EVA1C: variants seen among roughly 807,000 people sequenced by gnomAD.
The protein encoded by EVA1C is eva-1 homolog C, also known as protein eva-1 homolog C.
In EVA1C, 25 loss-of-function variants were observed where a neutral mutation model predicts 45.4. That is an observed-to-expected ratio of 0.55 (90% CI 0.40 to 0.77). EVA1C has a LOEUF of 0.77. Among genes scored for constraint, EVA1C ranks in the 30% least tolerant of loss-of-function variants. The pLI is 0.00. For synonymous variants in EVA1C, 190 were observed against 221.2 expected (o/e 0.86, Z 1.25); for missense variants, 479 against 554.8 (o/e 0.86, Z 1.37).
chr21:32,479,689 T>C (rs1391918655), intron 4 of EVA1C, among the ~76,000 whole-genome samples: 1 of 151,312 alleles, frequency 6.6e-6, no homozygotes, highest in East Asian at 2.0e-4. Flanking sequence ...AGTGGTTCTT[T>C]CCTGTGATCC....
Position 32,467,716 on chromosome 21 carries a change from G to A in EVA1C, c.502G>A (p.Val168Met), listed in dbSNP as rs778051405. ...TTCAGATGAATTAAAAAACAAAACCGTGTGTGAAGACCAGGAGCTGAAACT... is the reference window on the plus strand; with the variant it reads ...TTCAGATGAATTAAAAAACAAAACCATGTGTGAAGACCAGGAGCTGAAACT... ...CQPNELKNKTVCEDQELKLHC... is the reference protein window; with the variant it reads ...CQPNELKNKTMCEDQELKLHC... The change falls in exon 4 of 8, where the codon GTG (valine) becomes ATG (methionine). Residue 168 changes from valine to methionine, a missense_variant. By Grantham distance (21) the Val-to-Met change is conservative. This residue lies in a region of EVA1C where 366 missense variants were observed against 426.1 expected (regional missense o/e 0.86). Transcript: ENST00000300255. 5 of 1,606,844 alleles carry A rather than the reference G, an allele frequency of 3.1e-6. No homozygotes were observed. Among genetic ancestry groups the A allele is most frequent in the Non-Finnish European group, 3.4e-6 (4 of 1,177,412 alleles).
chr21:32,438,396 C>G (rs1209450963), intron 1 of EVA1C, among the ~76,000 whole-genome samples: 1 of 144,118 alleles, frequency 6.9e-6, no homozygotes, highest in Non-Finnish European at 1.5e-5. Flanking sequence ...ACTCGGGAGG[C>G]TGAGGCAGGA....
chr21:32,467,033 T>G (rs2036200359), intron 3 of EVA1C, among the ~76,000 whole-genome samples: 1 of 152,016 alleles, frequency 6.6e-6, no homozygotes, highest in Non-Finnish European at 1.5e-5. Context: ...CCCAGGTACT[T>G]GAGAAACTGA....
rs767814759 is a variant in EVA1C at position 32,467,821 on chromosome 21, T to C, written c.607T>C (p.Ser203Pro). Reference protein sequence around the residue: ...RRTQERDICSSKAERLPPFDC... With the variant: ...RRTQERDICSPKAERLPPFDC... Reference sequence around the variant, plus strand: ...GACCCAGGAAAGGGACATCTGCTCCTCCAAGGCAGAGCGGCTCCCCCCTTT... The same window carrying C: ...GACCCAGGAAAGGGACATCTGCTCCCCCAAGGCAGAGCGGCTCCCCCCTTT... The change falls in exon 4 of 8, where the codon TCC (serine) becomes CCC (proline). Residue 203 changes from serine to proline, a missense_variant. Around this residue, in one of 3 missense-constraint regions of EVA1C, gnomAD observed 366 missense variants for 426.1 expected, o/e 0.86. Coordinates refer to ENST00000300255, the MANE Select transcript of EVA1C (RefSeq NM_058187.5). The C allele has an allele frequency of 6.2e-6, 10 of 1,611,862 alleles. No individual in the cohort carries two copies. Among genetic ancestry groups the C allele is most frequent in the Non-Finnish European group, 8.5e-6 (10 of 1,179,140 alleles).
intron 1 of EVA1C, among the ~76,000 whole-genome samples, chr21:32,420,268 G>GCC (rs1470389842): frequency 3.3e-5 from 5 of 152,218 alleles, no homozygotes; most frequent in Non-Finnish European, 5.9e-5. Flanking sequence ...CACTCGGGAG[G>GCC]CTGAGGCAGG....
chr21:32,497,883 A>G (rs1294245889), intron 5 of EVA1C, among the ~76,000 whole-genome samples: 2 of 152,108 alleles, frequency 1.3e-5, no homozygotes, highest in African/African-American at 2.4e-5. Context: ...CCCTTTCACT[A>G]TCAAGACAAC....
intron 4 of EVA1C, among the ~76,000 whole-genome samples, chr21:32,475,784 C>A (rs1489221996): frequency 6.6e-6 from 1 of 152,114 alleles, no homozygotes; most frequent in Non-Finnish European, 1.5e-5. Flanking sequence ...CGGCTGACTT[C>A]CAGCTGACTT....
At chr21:32,417,113 T>C (rs761517653) in intron 1 of EVA1C, among the ~76,000 whole-genome samples, 1 of 152,218 alleles carries the variant, frequency 6.6e-6, no homozygotes, top group Non-Finnish European at 1.5e-5. Flanking sequence ...ATTACAGGTG[T>C]GCACCACCCC....
At chr21:32,460,600 G>A (rs1357521451) in intron 3 of EVA1C, among the ~76,000 whole-genome samples, 1 of 152,146 alleles carries the variant, frequency 6.6e-6, no homozygotes, top group African/African-American at 2.4e-5. Flanking sequence ...CAGCATTGGG[G>A]AGACACAGGT....
intron 4 of EVA1C, among the ~76,000 whole-genome samples, chr21:32,485,722 T>G (rs2036951607): frequency 6.6e-6 from 1 of 152,218 alleles, no homozygotes; most frequent in Admixed American, 6.5e-5. Flanking sequence ...ACATTATGTT[T>G]AAGGGCACAG....
chr21:32,467,543 T>C (rs571685055), intron 3 of EVA1C, among the ~76,000 whole-genome samples, 153 bp from the exon 4 acceptor site: 22 of 152,186 alleles, frequency 1.4e-4, no homozygotes, highest in Non-Finnish European at 1.3e-4. Context: ...CTTTGTTTTC[T>C]GGGGTCAGAG....
chr21:32,494,808 G>A (rs567191335), intron 4 of EVA1C, among the ~76,000 whole-genome samples: 4 of 151,968 alleles, frequency 2.6e-5, no homozygotes, highest in East Asian at 1.9e-4. Flanking sequence ...TCAAGATGGC[G>A]CCAGCAGAGC....
intron 4 of EVA1C, among the ~76,000 whole-genome samples, chr21:32,479,633 T>G (rs966708079): frequency 2.6e-5 from 4 of 152,054 alleles, no homozygotes; most frequent in South Asian, 2.1e-4. Flanking sequence ...TAAAATAAAT[T>G]CTTGCACTCC....
intron 2 of EVA1C, among the ~76,000 whole-genome samples, chr21:32,456,150 C>G (rs2035774183): frequency 6.6e-6 from 1 of 152,106 alleles, no homozygotes; most frequent in Non-Finnish European, 1.5e-5. Context: ...CTTCGGCCCC[C>G]CAAAATGCTG....
Position 32,515,148 on chromosome 21 carries a change from T to C in EVA1C, c.1284T>C (p.Gly428=). ...TTCAGGAAATATGGATGAACAGTGG[T>C]TTGGACACCTCGCTCCCAAGAAACA... The part of the protein sequence containing the change: ...QIIQEIWMNS[G]LDTSLPRNMG... Residue 428 remains glycine (G), a synonymous_variant, in exon 8 of 8, where the codon GGT becomes GGC. Transcript: ENST00000300255. 1 of 1,609,412 alleles carries C rather than the reference T, an allele frequency of 6.2e-7. No individual in the cohort carries two copies. The highest frequency in any genetic ancestry group is 8.5e-7 in the Non-Finnish European group (1 of 1,176,862).
intron 1 of EVA1C, among the ~76,000 whole-genome samples, chr21:32,442,705 G>A (rs2035222248): frequency 1.3e-5 from 2 of 150,242 alleles, no homozygotes; most frequent in South Asian, 2.1e-4. Flanking sequence ...AGGCAAGGAC[G>A]TAGCAAATTG....
chr21:32,421,896 T>G (rs2034286208), intron 1 of EVA1C, among the ~76,000 whole-genome samples: 2 of 151,812 alleles, frequency 1.3e-5, no homozygotes, highest in South Asian at 4.2e-4. Context: ...AATACAAAAA[T>G]TAGCTGGGTG....
intron 4 of EVA1C, among the ~76,000 whole-genome samples, chr21:32,487,198 T>C (rs1186644505): frequency 6.6e-6 from 1 of 152,106 alleles, no homozygotes; most frequent in African/African-American, 2.4e-5. Flanking sequence ...AAGCCCCTAA[T>C]GATGGGGGGC....
At chr21:32,503,228 C>G (rs1484158625) in intron 6 of EVA1C, among the ~76,000 whole-genome samples, 2 of 152,194 alleles carry the variant, frequency 1.3e-5, no homozygotes, top group Non-Finnish European at 2.9e-5. Context: ...GGCCACACAG[C>G]AGACATCAAA....
Sources: gnomAD v4.1 joint callset for allele counts (sites outside exome capture counted in the v4.1 genomes callset) on GRCh38, gnomAD v4.1.1 for gene constraint, gnomAD v4.1.1 regional missense constraint, MANE v1.5 for transcripts, NCBI Gene and HGNC (gene_info 2026-07-23, HGNC 2026-07-21) for gene names.